Variants in FRYL observed in about 807,000 individuals in gnomAD.
FRYL encodes the protein protein furry homolog-like.
Under a neutral mutation model 351.2 loss-of-function variants are expected in FRYL, and 150 were observed. That is an observed-to-expected ratio of 0.43 (90% CI 0.37 to 0.49). FRYL has a LOEUF of 0.49. Ranked by LOEUF, FRYL falls within the 20% of genes least tolerant of loss-of-function variation. FRYL has a pLI of 0.00. For synonymous variants in FRYL, 1,153 were observed against 1,257.1 expected (o/e 0.92, Z 1.75); for missense variants, 3,036 against 3,619.3 (o/e 0.84, Z 4.13).
chr4:48,593,991 T>C lies in FRYL; in HGVS notation c.1274A>G (p.Glu425Gly). The change falls in exon 16 of 64, where the codon GAA becomes GGA. Residue 425 changes from glutamate (E) to glycine (G), a missense_variant. By Grantham distance (98) the Glu-to-Gly change is moderately conservative (BLOSUM62 -2). Transcript: ENST00000358350. ...AACACTGAGAAGATCAAATATTATT[T>C]CTTTCATTGCAAAATCCAAGCGTTC... ...AQERLDFAMK[E>G]IIFDLLSVGK... is the part of the protein sequence containing the mutation. The C allele has an allele frequency of 6.7e-7, 1 of 1,491,176 alleles. No homozygotes were observed. Among genetic ancestry groups the C allele is most frequent in the Non-Finnish European group, 8.9e-7 (1 of 1,121,296 alleles). 92.4% of individuals were successfully genotyped at this position (1,491,176 alleles called of 1,614,324 possible).
At chr4:48,545,166 C>T (rs187417337) in intron 42 of FRYL, among the ~76,000 whole-genome samples, 178 of 152,258 alleles carry the variant, frequency 1.2e-3, no homozygotes, top group African/African-American at 3.6e-3. Flanking sequence ...AAGTGTGAAG[C>T]ATATTGGTTA....
chr4:48,604,380 A>T lies in FRYL; in HGVS notation c.835-992T>A, dbSNP rs978193922. 1.5e-4 allele frequency among the ~76,000 whole-genome samples: 23 copies of T among 152,246 alleles called. 1 individual carries two copies. The highest frequency in any genetic ancestry group is 5.5e-4 in the African/African-American group (23 of 41,470). On this transcript the variant is annotated intron_variant, in intron 11 of 63. Transcript: ENST00000358350. ...AAATTCATGTTGAAGTCCTAACCCC[A>T]CAGACATCAGAAGGTGACTTCATTA... is the stretch of plus-strand genomic sequence containing the variant.
chr4:48,699,348 T>G (rs1029643164), intron 2 of FRYL, among the ~76,000 whole-genome samples: 1 of 152,124 alleles, frequency 6.6e-6, no homozygotes, highest in African/African-American at 2.4e-5. Context: ...CATGAAAACA[T>G]AAGAGTTTGC....
chr4:48,624,733 A>T (rs1751420797), intron 4 of FRYL, among the ~76,000 whole-genome samples: 1 of 152,182 alleles, frequency 6.6e-6, no homozygotes, highest in African/African-American at 2.4e-5. Context: ...ATTATTCTGG[A>T]TGTGTCTGTG....
At chr4:48,573,789 G>A (rs965967106) in intron 25 of FRYL, among the ~76,000 whole-genome samples, 8 of 152,140 alleles carry the variant, frequency 5.3e-5, no homozygotes, top group East Asian at 1.9e-4. Flanking sequence ...GACCTCAGGC[G>A]ATTTGCCCGC....
At chr4:48,562,838 G>T in intron 32 of FRYL, 51 bp downstream of exon 32, 1 of 1,001,808 alleles carries the variant, frequency 1.0e-6, no homozygotes, top group Non-Finnish European at 1.6e-6. Context: ...AAATTATTGG[G>T]CTTCATTAAA....
chr4:48,558,757 A>T (rs1334240309), intron 33 of FRYL, among the ~76,000 whole-genome samples: 1 of 152,232 alleles, frequency 6.6e-6, no homozygotes, highest in Non-Finnish European at 1.5e-5. Context: ...TTTAATGCTC[A>T]TGACAAACCT....
At chr4:48,584,854 A>G (rs1309130727) in intron 19 of FRYL, among the ~76,000 whole-genome samples, 1 of 152,244 alleles carries the variant, frequency 6.6e-6, no homozygotes, top group Non-Finnish European at 1.5e-5. Flanking sequence ...TTTAGACAGC[A>G]CAATTCCAAA....
chr4:48,680,916 C>T (rs551639256), intron 3 of FRYL: 228 of 1,098,634 alleles, frequency 2.1e-4, no homozygotes, highest in South Asian at 1.2e-3. Context: ...CAAAGAAATA[C>T]GTTTTTACTT....
At chr4:48,520,411 A>C (rs1383613995) in intron 55 of FRYL, 1 of 152,224 alleles carries the variant, frequency 6.6e-6, no homozygotes, top group Non-Finnish European at 1.5e-5. Flanking sequence ...ACAGTGACAA[A>C]ATGTAGCATT....
intron 1 of FRYL, among the ~76,000 whole-genome samples, chr4:48,715,713 C>G (rs577698665): frequency 4.6e-5 from 7 of 152,154 alleles, no homozygotes; most frequent in South Asian, 4.2e-4. Context: ...GTAATTTATA[C>G]ATTCAATGCC....
chr4:48,663,740 A>C (rs1761232587), intron 3 of FRYL, among the ~76,000 whole-genome samples: 1 of 137,596 alleles, frequency 7.3e-6, no homozygotes, highest in Non-Finnish European at 1.5e-5. Flanking sequence ...GCGCCACTGC[A>C]CTGCAGCCTG....
chr4:48,541,879 C>T (rs937888), intron 45 of FRYL, 148 bp downstream of exon 45: 1 of 590,344 alleles, frequency 1.7e-6, no homozygotes. Context: ...CAAGTCCTCA[C>T]TGTCTGCGGC....
intron 3 of FRYL, among the ~76,000 whole-genome samples, chr4:48,655,791 T>A (rs1033556049): frequency 3.4e-5 from 5 of 145,164 alleles, no homozygotes; most frequent in African/African-American, 5.0e-5. Flanking sequence ...TATTATATAA[T>A]CATATATAAT....
chr4:48,642,278 T>G (rs1275847076), intron 3 of FRYL, among the ~76,000 whole-genome samples: 1 of 152,170 alleles, frequency 6.6e-6, no homozygotes, highest in African/African-American at 2.4e-5. Context: ...CAAACTTACT[T>G]GAAAAAAACT....
chr4:48,517,372 A>G (rs1425068520), intron 55 of FRYL, among the ~76,000 whole-genome samples: 2 of 152,154 alleles, frequency 1.3e-5, no homozygotes, highest in Non-Finnish European at 2.9e-5. Context: ...TTTCAAGATG[A>G]TATTTTATCT....
chr4:48,590,160 T>G (rs2149202552), intron 17 of FRYL, among the ~76,000 whole-genome samples: 1 of 152,274 alleles, frequency 6.6e-6, no homozygotes, highest in South Asian at 2.1e-4. Context: ...ACTCTTAACA[T>G]GAAGACTCAT....
chr4:48,611,907 A>T (rs1748285335), intron 7 of FRYL, among the ~76,000 whole-genome samples: 1 of 152,214 alleles, frequency 6.6e-6, no homozygotes, highest in Non-Finnish European at 1.5e-5. Context: ...CAAATAGTAG[A>T]GAGAATGTAA....
intron 50 of FRYL, among the ~76,000 whole-genome samples, chr4:48,530,009 A>G (rs1001480172): frequency 1.3e-5 from 2 of 152,174 alleles, no homozygotes; most frequent in Non-Finnish European, 2.9e-5. Flanking sequence ...GGTTTCAGCC[A>G]TTCACTTATA....
Sources: gnomAD v4.1 joint callset for allele counts (sites outside exome capture counted in the v4.1 genomes callset) on GRCh38, gnomAD v4.1.1 for gene constraint, MANE v1.5 for transcripts, NCBI Gene and HGNC (gene_info 2026-07-23, HGNC 2026-07-21) for gene names.